Variants in AK8 observed in about 807,000 individuals in gnomAD.
AK8 encodes the protein ATP-AMP transphosphorylase 8.
Under a neutral mutation model 54.6 loss-of-function variants are expected in AK8, and 44 were observed. The ratio of observed to expected loss-of-function variants is 0.81; its 90% CI spans 0.63 to 1.04. The LOEUF (loss-of-function observed/expected upper bound fraction) is 1.04. Among genes scored for constraint, AK8 ranks in the 50% least tolerant of loss-of-function variants. AK8 has a pLI of 0.00. For synonymous variants in AK8, 239 were observed against 245.6 expected, an observed-to-expected ratio of 0.97 and a Z score of 0.25; for missense variants, 555 against 613.6, an observed-to-expected ratio of 0.90 and a Z score of 1.01.
Position 132,727,442 on chromosome 9 carries a change from C to T in AK8, c.1202+12G>A. ...TCCCCAGACTGCCAACCACCAGGAA[C>T]ACAGCACAAACCTTTCCCCAGTGAC... On this transcript the variant is annotated intron_variant, in intron 12 of 12. Coordinates refer to ENST00000298545, the MANE Select transcript of AK8 (RefSeq NM_152572.3). 6.2e-7 allele frequency: 1 copy of T among 1,613,962 alleles called. No homozygotes were observed. Among genetic ancestry groups the T allele is most frequent in the Non-Finnish European group, 8.5e-7 (1 of 1,179,840 alleles).
intron 3 of AK8, among the ~76,000 whole-genome samples, 161 bp from the exon 4 acceptor site, chr9:132,863,939 C>T (rs1169084680): frequency 6.6e-6 from 1 of 152,216 alleles, no homozygotes; most frequent in East Asian, 1.9e-4. Flanking sequence ...GGAGACCCAC[C>T]CATAAAGCAC....
In AK8 at chr9:132,854,872, C is replaced by G; in HGVS notation, c.387G>C (p.Glu129Asp). 1 of 1,614,096 alleles carries G rather than the reference C, an allele frequency of 6.2e-7. No homozygotes were observed. Among genetic ancestry groups the G allele is most frequent in the Non-Finnish European group, 8.5e-7 (1 of 1,180,028 alleles). The change falls in exon 5 of 13, where the codon GAG becomes GAC. Residue 129 changes from glutamate (E) to aspartate (D), a missense_variant. Physicochemically the swap from Glu to Asp is conservative, Grantham distance 45. Coordinates refer to ENST00000298545, the MANE Select transcript of AK8 (RefSeq NM_152572.3). ...VQLIQERLAEEDCIKQGWILD... is the reference protein window; with the variant it reads ...VQLIQERLAEDDCIKQGWILD... ...GGAGTCTTACCTGCTTGATGCAATC[C>G]TCTTCAGCCAGGCGTTCCTGAATCA...
intron 5 of AK8, among the ~76,000 whole-genome samples, chr9:132,841,204 A>C (rs1356874942): frequency 6.6e-6 from 1 of 152,182 alleles, no homozygotes; most frequent in Non-Finnish European, 1.5e-5. Flanking sequence ...CAGGCTGTCC[A>C]CACCAGTCCC....
rs548937904 is a variant in AK8 at position 132,854,523 on chromosome 9, C to T, written c.402+334G>A. On this transcript the variant is annotated intron_variant, in intron 5 of 12. Transcript: ENST00000298545. Reference sequence around the variant, plus strand: ...GGGTACCCCTAATTCTGCCTCCTGCCGATGCCAGTCCCTGGCGCCTCACCA... The same window carrying T: ...GGGTACCCCTAATTCTGCCTCCTGCTGATGCCAGTCCCTGGCGCCTCACCA... 2.7e-3 allele frequency among the ~76,000 whole-genome samples: 411 copies of T among 152,330 alleles called. 3 individuals carry two copies. Among genetic ancestry groups the T allele is most frequent in the African/African-American group, 9.3e-3 (386 of 41,580 alleles).
At chr9:132,855,277 T>C (rs559085784) in intron 4 of AK8, among the ~76,000 whole-genome samples, 1 of 152,310 alleles carries the variant, frequency 6.6e-6, no homozygotes, top group African/African-American at 2.4e-5. Flanking sequence ...CTACTTCCCG[T>C]GCTCCATCAT....
chr9:132,744,893 C>T (rs1030215729), intron 11 of AK8, among the ~76,000 whole-genome samples: 3 of 152,208 alleles, frequency 2.0e-5, no homozygotes, highest in Non-Finnish European at 4.4e-5. Flanking sequence ...ACACTGGGCT[C>T]GGTTTACCCG....
chr9:132,835,799 A>G (rs1352891292), intron 5 of AK8, among the ~76,000 whole-genome samples: 1 of 152,146 alleles, frequency 6.6e-6, no homozygotes, highest in East Asian at 1.9e-4. Flanking sequence ...ACCAGCCTGG[A>G]CAACACAGCG....
chr9:132,848,810 CAAGTCGCCGAGCTTGG>C (rs1197634626), intron 5 of AK8, among the ~76,000 whole-genome samples: 1 of 151,968 alleles, frequency 6.6e-6, no homozygotes, highest in Non-Finnish European at 1.5e-5. Flanking sequence ...GATGCAGAAT[CAAGTCGCCGAGCTTGG>C]AAGTCAGGTG....
chr9:132,841,845 C>T (rs1185455967), intron 5 of AK8, among the ~76,000 whole-genome samples: 1 of 152,016 alleles, frequency 6.6e-6, no homozygotes, highest in Non-Finnish European at 1.5e-5. Flanking sequence ...ATTCTTGTTA[C>T]AGTTGATTAG....
intron 4 of AK8, among the ~76,000 whole-genome samples, chr9:132,863,044 T>C (rs1291333510): frequency 6.6e-6 from 1 of 152,268 alleles, no homozygotes; most frequent in Non-Finnish European, 1.5e-5. Context: ...AAGCCTTATA[T>C]TTCCCTTTAG....
At chr9:132,738,754 T>TC in intron 11 of AK8, among the ~76,000 whole-genome samples, 1 of 144,924 alleles carries the variant, frequency 6.9e-6, no homozygotes, top group East Asian at 2.0e-4. Context: ...GTTCATGACT[T>TC]TTTTTTTTTT....
At position 132,751,539 on chromosome 9, in the gene AK8, CA is replaced by C. The variant is rs879903382; in HGVS notation, c.1122-24006del. On this transcript the variant is annotated intron_variant, in intron 11 of 12. Coordinates refer to ENST00000298545, the MANE Select transcript of AK8 (RefSeq NM_152572.3). ...TAGCCACGATGACAGAGTGAGACTC[CA>C]AAAAAAAAAAAAACAACTTCTGGGT... Among the ~76,000 whole-genome samples, 680 of 96,580 alleles carry C rather than the reference CA, an allele frequency of 7.0e-3. 3 individuals carry two copies. The highest frequency in any genetic ancestry group is 0.018 in the African/African-American group (491 of 27,790). The allele number at this position is 96,580 out of a possible 152,430, so 63.4% of individuals were successfully genotyped here.
intron 8 of AK8, 56 bp from the exon 9 acceptor site, chr9:132,823,392 G>A (rs1360858742): frequency 1.2e-5 from 19 of 1,606,300 alleles, no homozygotes; most frequent in East Asian, 1.1e-4. Context: ...CAGGAAACCC[G>A]CTTGCAGCCC....
chr9:132,750,889 AGGCCAGCCCTGTGGCTT>A (rs1837890324), intron 11 of AK8, among the ~76,000 whole-genome samples: 1 of 152,060 alleles, frequency 6.6e-6, no homozygotes, highest in Non-Finnish European at 1.5e-5. Context: ...CCTAACCCAG[AGGCCAGCCCTGTGGCTT>A]GGCCAGGCCA....
At chr9:132,856,027 T>C (rs948615541) in intron 4 of AK8, among the ~76,000 whole-genome samples, 4 of 152,156 alleles carry the variant, frequency 2.6e-5, no homozygotes, top group African/African-American at 9.7e-5. Flanking sequence ...GTGAAGCTGC[T>C]TCCCCAGGGT....
At position 132,781,636 on chromosome 9, in the gene AK8, C is replaced by T. The variant is rs1196550607; in HGVS notation, c.1121+10998G>A. Among the ~76,000 whole-genome samples, 7 of 152,078 alleles carry T rather than the reference C, an allele frequency of 4.6e-5. No individual in the cohort carries two copies. Among genetic ancestry groups the T allele is most frequent in the Non-Finnish European group, 8.8e-5 (6 of 68,018 alleles). On this transcript the variant is annotated intron_variant, in intron 11 of 12. Coordinates refer to ENST00000298545, the MANE Select transcript of AK8 (RefSeq NM_152572.3). The surrounding 1 kb of genome is among the most constrained non-coding windows in gnomAD (Gnocchi z 4.6). ...TAAAAAAAGAGCCTTTGTAGATTTT[C>T]ATATCTGAATTATAGATTTCTGTAT...
upstream of AK8, chr9:132,878,644 T>C (rs1844272080): frequency 3.9e-6 from 4 of 1,026,060 alleles, no homozygotes; most frequent in African/African-American, 5.1e-5. The surrounding 1 kb of genome is among the most constrained non-coding windows in gnomAD (Gnocchi z 4.7). Context: ...GTGCCTCAGT[T>C]TACCCATCTT....
At chr9:132,761,259 C>CTTTTTTTTTTTTTTTTTTTT (rs202041016) in intron 11 of AK8, among the ~76,000 whole-genome samples, 8 of 133,364 alleles carry the variant, frequency 6.0e-5, no homozygotes, top group African/African-American at 2.4e-4. Context: ...TTTTTCTTTT[C>CTTTTTTTTTTTTTTTTTTTT]TTTTCTTTTC....
Position 132,740,013 on chromosome 9 carries a change from T to C in AK8, c.1122-12479A>G, listed in dbSNP as rs527372518. ...GTGAGGAGGGACGACCCCTGATTTG[T>C]AGCATTTGCCAATATCCCCATCTAG... On this transcript the variant is annotated intron_variant, in intron 11 of 12. Transcript: ENST00000298545. 8.5e-5 allele frequency among the ~76,000 whole-genome samples: 13 copies of C among 152,376 alleles called. No homozygotes were observed. In the South Asian group the frequency reaches 2.3e-3, roughly 27 times the overall value.
Sources: gnomAD v4.1 joint callset for allele counts (sites outside exome capture counted in the v4.1 genomes callset) on GRCh38, gnomAD v4.1.1 for gene constraint, Gnocchi (gnomAD v3.1) non-coding constraint, MANE v1.5 for transcripts, NCBI Gene and HGNC (gene_info 2026-07-23, HGNC 2026-07-21) for gene names.